The following TNRC6B variants were observed in gnomAD, a reference collection of about 807,000 sequenced individuals.
TNRC6B encodes the protein trinucleotide repeat containing adaptor 6B, also known as trinucleotide repeat-containing gene 6B protein.
TNRC6B carries 52 observed loss-of-function variants against 203.6 expected under a neutral mutation model. That is an observed-to-expected ratio of 0.26 (90% CI 0.20 to 0.32). The LOEUF (loss-of-function observed/expected upper bound fraction) is 0.32, where lower values mean the gene tolerates loss of function less well. TNRC6B is among the 10% of genes least tolerant of loss of function. TNRC6B has a pLI of 1.00. For missense variants in TNRC6B, 1,923 were observed against 2,286.2 expected (o/e 0.84, Z 3.24); for synonymous variants, 838 against 845.7 (o/e 0.99, Z 0.16).
chr22:40,249,600 G>A (rs1252319747), intron 2 of TNRC6B, among the ~76,000 whole-genome samples: 4 of 152,228 alleles, frequency 2.6e-5, no homozygotes, highest in African/African-American at 7.2e-5. Flanking sequence ...GAACCCACAT[G>A]ATAAAACATA....
intron 1 of TNRC6B, among the ~76,000 whole-genome samples, chr22:40,057,726 T>C (rs545520472): frequency 6.6e-6 from 1 of 152,312 alleles, no homozygotes; most frequent in South Asian, 2.1e-4. Flanking sequence ...ATGTCTTGGG[T>C]ACTTGCTGGG....
In TNRC6B at chr22:40,331,721, G is replaced by T; in HGVS notation, c.*8480G>T. On this transcript the variant is annotated 3_prime_UTR_variant, in exon 23 of 23. Coordinates refer to ENST00000454349, the MANE Select transcript of TNRC6B (RefSeq NM_001162501.2). The stretch of plus-strand genomic sequence containing the variant: ...CATCGTCGCTTCTTTATGTTGTAAG[G>T]TGAATTGTAACTATGCATTCTGCAA... The T allele has an allele frequency of 2.8e-6, 1 of 361,510 alleles. No individual in the cohort carries two copies. Among genetic ancestry groups the T allele is most frequent in the Non-Finnish European group, 4.9e-6 (1 of 203,628 alleles). The allele number at this position is 361,510 out of a possible 1,614,324, so 22.4% of individuals were successfully genotyped here. A position where few individuals can be genotyped will look rare whatever the true frequency, so the allele number is the denominator to read the frequency against.
chr22:40,158,987 G>A (rs967907546), intron 4 of TNRC6B, among the ~76,000 whole-genome samples: 2 of 152,026 alleles, frequency 1.3e-5, no homozygotes, highest in Admixed American at 1.3e-4. Context: ...GTGTGTGACA[G>A]AGTCTCGCTC....
chr22:40,323,301 G>A lies in TNRC6B; in HGVS notation c.*60G>A. Reference sequence around the variant, plus strand: ...TTTGGAACAGCAGCAGCACTAACTTGACCTTTTCGTTTTTTTTTTCAACTT... The same window carrying A: ...TTTGGAACAGCAGCAGCACTAACTTAACCTTTTCGTTTTTTTTTTCAACTT... On this transcript the variant is annotated 3_prime_UTR_variant, in exon 23 of 23. Coordinates refer to ENST00000454349, the MANE Select transcript of TNRC6B (RefSeq NM_001162501.2). 6.6e-7 allele frequency: 1 copy of A among 1,506,414 alleles called. No homozygotes were observed. The highest frequency in any genetic ancestry group is 8.8e-7 in the Non-Finnish European group (1 of 1,132,670). 93.3% of individuals were successfully genotyped at this position (1,506,414 alleles called of 1,614,324 possible). A position where few individuals can be genotyped will look rare whatever the true frequency, so the allele number is the denominator to read the frequency against.
intron 19 of TNRC6B, among the ~76,000 whole-genome samples, chr22:40,313,585 T>C (rs2071216813): frequency 6.6e-6 from 1 of 152,250 alleles, no homozygotes; most frequent in Non-Finnish European, 1.5e-5. Flanking sequence ...GGTAGACATA[T>C]TAGTAATTGG....
At chr22:40,075,952 A>G (rs537411399) in intron 1 of TNRC6B, among the ~76,000 whole-genome samples, 68 of 152,356 alleles carry the variant, frequency 4.5e-4, no homozygotes, top group African/African-American at 1.6e-3. Flanking sequence ...ATGTCCCACA[A>G]TTCATTGTTA....
chr22:40,101,127 G>A (rs933426003), intron 1 of TNRC6B, among the ~76,000 whole-genome samples: 2 of 151,970 alleles, frequency 1.3e-5, no homozygotes, highest in African/African-American at 4.8e-5. Context: ...CGAGTGGCTG[G>A]GACTACAGGC....
In TNRC6B at chr22:40,204,528, A is replaced by G. The variant is rs575139046; in HGVS notation, c.5+26388A>G. ...TGTCCCACTGCATTCCAAAAATGCT[A>G]ACAAGTGACTAGCGAGCGTAAATTT... On this transcript the variant is annotated intron_variant, in intron 1 of 22. Coordinates refer to ENST00000454349, the MANE Select transcript of TNRC6B (RefSeq NM_001162501.2). Among the ~76,000 whole-genome samples the G allele has an allele frequency of 1.6e-4, 24 of 152,358 alleles. 1 individual carries two copies. Among genetic ancestry groups the G allele is most frequent in the South Asian group, 1.0e-3 (5 of 4,830 alleles).
chr22:40,197,038 T>G (rs1422821964), intron 1 of TNRC6B, among the ~76,000 whole-genome samples: 3 of 152,090 alleles, frequency 2.0e-5, no homozygotes, highest in Non-Finnish European at 4.4e-5. Flanking sequence ...TCCACCAAAA[T>G]TTTCTTCTCT....
chr22:40,132,510 G>A (rs2068555788), intron 3 of TNRC6B, among the ~76,000 whole-genome samples: 1 of 148,996 alleles, frequency 6.7e-6, no homozygotes, highest in Non-Finnish European at 1.5e-5. Flanking sequence ...CGAGGGCGAG[G>A]GCGAGGGGCC....
At chr22:40,072,770 A>G (rs2067962444) in intron 1 of TNRC6B, among the ~76,000 whole-genome samples, 2 of 146,986 alleles carry the variant, frequency 1.4e-5, no homozygotes. Flanking sequence ...AGGCGGAGGC[A>G]GGGGAATCAC....
At chr22:40,247,504 G>A (rs756782300) in intron 2 of TNRC6B, among the ~76,000 whole-genome samples, 1 of 152,144 alleles carries the variant, frequency 6.6e-6, no homozygotes, top group Non-Finnish European at 1.5e-5. Context: ...TTCTGAATTG[G>A]ATTGCATATG....
Position 40,333,705 on chromosome 22 carries a change from C to T in TNRC6B, c.*10464C>T, listed in dbSNP as rs565799565. The stretch of plus-strand genomic sequence containing the variant: ...CTTGTGTAAGGAGATGTGCAAACCA[C>T]CCTGAAAGCCATGTGCATCCTCACC... On this transcript the variant is annotated 3_prime_UTR_variant, in exon 23 of 23. Transcript: ENST00000454349. The T allele has an allele frequency of 1.3e-5, 2 of 152,758 alleles. No homozygotes were observed. The highest frequency in any genetic ancestry group is 6.5e-5 in the Admixed American group (1 of 15,306). 9.5% of individuals were successfully genotyped at this position (152,758 alleles called of 1,614,324 possible).
intron 1 of TNRC6B, among the ~76,000 whole-genome samples, chr22:40,186,070 G>A (rs1233148861): frequency 6.6e-6 from 1 of 152,140 alleles, no homozygotes; most frequent in South Asian, 2.1e-4. Flanking sequence ...AGGCTTCCAC[G>A]TGGAAGTGAT....
chr22:40,198,262 T>C (rs1407937580), intron 1 of TNRC6B, among the ~76,000 whole-genome samples: 5 of 152,188 alleles, frequency 3.3e-5, no homozygotes, highest in Non-Finnish European at 1.5e-5. Context: ...CTGTTCTTCA[T>C]AGATGATGCA....
At chr22:40,066,667 C>T (rs1205745735) in intron 1 of TNRC6B, among the ~76,000 whole-genome samples, 1 of 152,042 alleles carries the variant, frequency 6.6e-6, no homozygotes, top group African/African-American at 2.4e-5. Context: ...AAGGATAAAA[C>T]TTCTTAGGGG....
intron 4 of TNRC6B, among the ~76,000 whole-genome samples, chr22:40,168,074 A>T (rs2068936815): frequency 6.6e-6 from 1 of 152,192 alleles, no homozygotes; most frequent in Non-Finnish European, 1.5e-5. Flanking sequence ...CTCCATTTTC[A>T]AACTGGTCTC....
At chr22:40,179,619 G>C (rs1032633355) in intron 1 of TNRC6B, among the ~76,000 whole-genome samples, 37 of 152,222 alleles carry the variant, frequency 2.4e-4, no homozygotes, top group African/African-American at 8.7e-4. Context: ...GAAGGGAGCA[G>C]TGTTTTTTGT....
chr22:40,234,631 A>G (rs1377479283), intron 1 of TNRC6B, among the ~76,000 whole-genome samples: 1 of 152,240 alleles, frequency 6.6e-6, no homozygotes, highest in Non-Finnish European at 1.5e-5. Context: ...TTTGTTACCA[A>G]CATATAAAAG....
Sources: allele counts gnomAD v4.1 joint callset (sites outside exome capture counted in the v4.1 genomes callset), GRCh38; gene constraint gnomAD v4.1.1; transcripts MANE v1.5; gene names NCBI Gene and HGNC (gene_info 2026-07-23, HGNC 2026-07-21).